EPHA3: variants seen among roughly 807,000 people sequenced by gnomAD.
EPHA3 encodes the protein EPH receptor A3, also known as ephrin type-A receptor 3.
EPHA3 carries 42 observed loss-of-function variants against 107.1 expected under a neutral mutation model. That is an observed-to-expected ratio of 0.39 (90% CI 0.31 to 0.51). The LOEUF is 0.51. Ranked by LOEUF, EPHA3 falls within the 20% of genes least tolerant of loss-of-function variation. The probability of loss-of-function intolerance (pLI) is 0.78; values close to 1 mark genes in which losing one functional copy is unlikely to be tolerated. For synonymous variants in EPHA3, 461 were observed against 424.8 expected (o/e 1.09, Z -1.05); for missense variants, 1,183 against 1,211.2 (o/e 0.98, Z 0.35).
chr3:89,329,618 T>C (rs917245633), intron 3 of EPHA3, among the ~76,000 whole-genome samples: 2 of 152,058 alleles, frequency 1.3e-5, no homozygotes, highest in Non-Finnish European at 2.9e-5. Flanking sequence ...TCTTCCAAGT[T>C]GAAAGTAAAG....
At chr3:89,375,104 T>A (rs1398898418) in intron 5 of EPHA3, among the ~76,000 whole-genome samples, 1 of 151,888 alleles carries the variant, frequency 6.6e-6, no homozygotes, top group Non-Finnish European at 1.5e-5. Flanking sequence ...ATTCATATGC[T>A]TGTATGTTTG....
At chr3:89,272,197 C>T (rs1344681729) in intron 3 of EPHA3, among the ~76,000 whole-genome samples, 1 of 151,750 alleles carries the variant, frequency 6.6e-6, no homozygotes, top group Non-Finnish European at 1.5e-5. Flanking sequence ...TTTTCAGCTG[C>T]ATGGGGAATC....
chr3:89,424,265 T>C lies in EPHA3; in HGVS notation c.2075-4841T>C, dbSNP rs1709413247. On this transcript the variant is annotated intron_variant, in intron 11 of 16. Coordinates refer to ENST00000336596, the MANE Select transcript of EPHA3 (RefSeq NM_005233.6). ...TGTATTTAACAATTCTAAAAACTCA[T>C]AACATTAATAGGTAATAAGAAAGTT... Among the ~76,000 whole-genome samples, 8 of 151,450 alleles carry C rather than the reference T, an allele frequency of 5.3e-5. 1 individual carries two copies. The South Asian group carries it at 1.7e-3, about 31-fold the overall frequency.
At chr3:89,304,252 T>G (rs1706559307) in intron 3 of EPHA3, among the ~76,000 whole-genome samples, 1 of 152,128 alleles carries the variant, frequency 6.6e-6, no homozygotes, top group African/African-American at 2.4e-5. Flanking sequence ...GAACTGTATT[T>G]CAGCCTCGAT....
intron 2 of EPHA3, among the ~76,000 whole-genome samples, chr3:89,144,965 A>G (rs1180012744): frequency 1.3e-5 from 2 of 151,784 alleles, no homozygotes; most frequent in African/African-American, 4.8e-5. Context: ...TATAGTATCA[A>G]TAGTAAGCAT....
chr3:89,417,694 G>A (rs188361289), intron 10 of EPHA3, among the ~76,000 whole-genome samples: 32 of 151,302 alleles, frequency 2.1e-4, no homozygotes, highest in African/African-American at 7.7e-4. Context: ...GTATCCTAAG[G>A]AACACTATAG....
intron 3 of EPHA3, among the ~76,000 whole-genome samples, 182 bp from the exon 4 acceptor site, chr3:89,340,734 C>A (rs1707499323): frequency 6.6e-6 from 1 of 152,166 alleles, no homozygotes; most frequent in Non-Finnish European, 1.5e-5. Flanking sequence ...ACATTTGGTG[C>A]AAATTCAAGC....
intron 1 of EPHA3, among the ~76,000 whole-genome samples, chr3:89,112,710 A>G (rs1331389849): frequency 2.0e-5 from 3 of 151,990 alleles, no homozygotes; most frequent in Non-Finnish European, 4.4e-5. Flanking sequence ...AAATATTAAT[A>G]AAACTTTCCT....
intron 3 of EPHA3, among the ~76,000 whole-genome samples, chr3:89,222,645 C>A (rs944387423): frequency 2.0e-5 from 3 of 151,622 alleles, no homozygotes; most frequent in Admixed American, 6.6e-5. Flanking sequence ...ACTTTAAATT[C>A]TTTGTTTCTA....
chr3:89,315,301 A>G (rs1015126), intron 3 of EPHA3, among the ~76,000 whole-genome samples: 4,196 of 151,902 alleles, frequency 0.028, 188 homozygotes, highest in African/African-American at 0.096. Flanking sequence ...TATGCCTACA[A>G]AGATGAAGGT....
chr3:89,469,502 C>G lies in EPHA3; in HGVS notation c.2691-2962C>G, dbSNP rs114833713. ...GTGTAGGGCACGATCTAAAATTATC[C>G]TGGCTCACGAATCAACTTTACACTT... On this transcript the variant is annotated intron_variant, in intron 15 of 16. Coordinates refer to ENST00000336596, the MANE Select transcript of EPHA3 (RefSeq NM_005233.6). Among the ~76,000 whole-genome samples, 734 of 152,262 alleles carry G rather than the reference C, an allele frequency of 4.8e-3. 4 individuals are homozygous for G. The highest frequency in any genetic ancestry group is 0.017 in the African/African-American group (697 of 41,530).
intron 11 of EPHA3, among the ~76,000 whole-genome samples, chr3:89,424,314 A>C (rs545608560): frequency 6.6e-6 from 1 of 151,442 alleles, no homozygotes; most frequent in East Asian, 1.9e-4. Context: ...TGCAAAAAAT[A>C]AACTATTTTA....
intron 5 of EPHA3, among the ~76,000 whole-genome samples, chr3:89,352,997 A>G (rs962074625): frequency 3.3e-5 from 5 of 149,764 alleles, no homozygotes; most frequent in African/African-American, 1.2e-4. Context: ...AGTTTTCTGT[A>G]GTTTCATTCT....
At chr3:89,125,147 G>T (rs537546050) in intron 1 of EPHA3, among the ~76,000 whole-genome samples, 1 of 151,912 alleles carries the variant, frequency 6.6e-6, no homozygotes, top group South Asian at 2.1e-4. Context: ...AACATGTGGA[G>T]TAACATATAA....
chr3:89,268,846 T>G (rs1272273255), intron 3 of EPHA3, among the ~76,000 whole-genome samples: 1 of 151,926 alleles, frequency 6.6e-6, no homozygotes, highest in Non-Finnish European at 1.5e-5. Context: ...TTTACAAGTT[T>G]TTTTAAACCT....
chr3:89,286,319 G>A (rs1706082427), intron 3 of EPHA3, among the ~76,000 whole-genome samples: 1 of 151,830 alleles, frequency 6.6e-6, no homozygotes, highest in Non-Finnish European at 1.5e-5. Flanking sequence ...AGTACATGGT[G>A]AGACTTCTGA....
intron 3 of EPHA3, among the ~76,000 whole-genome samples, chr3:89,291,740 G>A (rs993523451): frequency 6.6e-6 from 1 of 152,102 alleles, no homozygotes; most frequent in Non-Finnish European, 1.5e-5. Context: ...TCCACTTTAT[G>A]AGTCTGTCAC....
chr3:89,402,960 G>A (rs775029566), intron 7 of EPHA3, among the ~76,000 whole-genome samples: 13 of 152,136 alleles, frequency 8.5e-5, no homozygotes, highest in African/African-American at 9.7e-5. Context: ...TTACAGGTGT[G>A]AGCCACCGTG....
At chr3:89,202,492 G>T (rs1233176188) in intron 2 of EPHA3, among the ~76,000 whole-genome samples, 3 of 135,714 alleles carry the variant, frequency 2.2e-5, no homozygotes, top group Admixed American at 1.5e-4. Flanking sequence ...CTCCAACCTG[G>T]ATGACTGAGC....
Sources: allele counts gnomAD v4.1 joint callset (sites outside exome capture counted in the v4.1 genomes callset), GRCh38; gene constraint gnomAD v4.1.1; transcripts MANE v1.5; gene names NCBI Gene and HGNC (gene_info 2026-07-23, HGNC 2026-07-21).